The following RASAL2 variants were observed in gnomAD, a reference collection of about 807,000 sequenced individuals.
RASAL2 encodes RAS protein activator like 2, also known as ras GTPase-activating protein nGAP.
In RASAL2, 58 loss-of-function variants were observed where a neutral mutation model predicts 128.9. The ratio of observed to expected loss-of-function variants is 0.45; its 90% CI spans 0.36 to 0.56. The LOEUF is 0.56. Ranked by LOEUF, RASAL2 falls within the 20% of genes least tolerant of loss-of-function variation. The probability of loss-of-function intolerance (pLI) is 0.00; values close to 1 mark genes in which losing one functional copy is unlikely to be tolerated. For synonymous variants in RASAL2, 561 were observed against 580.8 expected (o/e 0.97, Z 0.49); for missense variants, 1,360 against 1,601.6 (o/e 0.85, Z 2.57).
intron 1 of RASAL2, among the ~76,000 whole-genome samples, chr1:178,216,500 A>T (rs1663423817): frequency 6.6e-6 from 1 of 152,250 alleles, no homozygotes. Flanking sequence ...TGGTTTAAGG[A>T]AGACTATTTT....
chr1:178,128,769 A>G (rs1659992060), intron 1 of RASAL2, among the ~76,000 whole-genome samples: 1 of 152,066 alleles, frequency 6.6e-6, no homozygotes, highest in Admixed American at 6.5e-5. Flanking sequence ...ACATTTCAAT[A>G]CATAGAATCA....
intron 3 of RASAL2, among the ~76,000 whole-genome samples, chr1:178,311,642 A>G (rs531318387): frequency 4.2e-4 from 64 of 152,256 alleles, no homozygotes; most frequent in South Asian, 2.3e-3. Flanking sequence ...GAATATGTGC[A>G]CGCTGAATGA....
At chr1:178,160,697 C>G (rs1661253852) in intron 1 of RASAL2, among the ~76,000 whole-genome samples, 1 of 152,062 alleles carries the variant, frequency 6.6e-6, no homozygotes, top group African/African-American at 2.4e-5. Flanking sequence ...AATCCTTAAT[C>G]CTATCTAATG....
intron 5 of RASAL2, among the ~76,000 whole-genome samples, chr1:178,434,382 A>C (rs1476211905): frequency 1.3e-5 from 2 of 152,114 alleles, no homozygotes; most frequent in Admixed American, 1.3e-4. Flanking sequence ...ACCAAGTACA[A>C]AGTAGGTAAG....
intron 1 of RASAL2, among the ~76,000 whole-genome samples, chr1:178,096,464 T>TTGTGTGTGTGTG (rs57531713): frequency 6.7e-6 from 1 of 148,370 alleles, no homozygotes; most frequent in Non-Finnish European, 1.5e-5. Flanking sequence ...ATTGTATATT[T>TTGTGTGTGTGTG]TGTGTGTGTG....
chr1:178,451,800 C>A, intron 10 of RASAL2, 85 bp downstream of exon 10: 1 of 1,456,722 alleles, frequency 6.9e-7, no homozygotes. Flanking sequence ...TAAAAGTCAT[C>A]ACAATGTTAA....
At chr1:178,321,994 A>G (rs1359513994) in intron 3 of RASAL2, among the ~76,000 whole-genome samples, 4 of 151,830 alleles carry the variant, frequency 2.6e-5, no homozygotes, top group African/African-American at 4.8e-5. Flanking sequence ...ATCTCAAAAA[A>G]AAAAAAAAAT....
intron 1 of RASAL2, among the ~76,000 whole-genome samples, chr1:178,162,301 A>G (rs943761675): frequency 2.5e-4 from 32 of 130,052 alleles, no homozygotes; most frequent in Middle Eastern, 3.7e-3. Context: ...ATATATATAT[A>G]TATATATAAT....
chr1:178,399,001 T>C (rs1357441227), intron 4 of RASAL2, among the ~76,000 whole-genome samples: 1 of 152,234 alleles, frequency 6.6e-6, no homozygotes, highest in Non-Finnish European at 1.5e-5. Context: ...CAATGCTGTA[T>C]TGTTGCCATC....
intron 3 of RASAL2, among the ~76,000 whole-genome samples, chr1:178,355,404 T>C (rs1470171217): frequency 6.6e-6 from 1 of 152,206 alleles, no homozygotes; most frequent in Admixed American, 6.5e-5. Context: ...CAATAAATGA[T>C]CCTGGCTCAT....
At chr1:178,137,214 T>C (rs2102321430) in intron 1 of RASAL2, among the ~76,000 whole-genome samples, 1 of 152,334 alleles carries the variant, frequency 6.6e-6, no homozygotes, top group Middle Eastern at 3.4e-3. Flanking sequence ...TTTATTCTTT[T>C]TTCAAAAGCC....
At chr1:178,290,576 GT>G (rs1348265144) in intron 2 of RASAL2, among the ~76,000 whole-genome samples, 5 of 152,162 alleles carry the variant, frequency 3.3e-5, no homozygotes. Flanking sequence ...GTTGCACAAC[GT>G]TGTGAATGTA....
intron 3 of RASAL2, among the ~76,000 whole-genome samples, chr1:178,326,335 C>G (rs1053353217): frequency 6.6e-6 from 1 of 152,104 alleles, no homozygotes; most frequent in African/African-American, 2.4e-5. Context: ...ATCTACCTCC[C>G]TCATAATTAT....
rs748941364 is a variant in RASAL2 at position 178,323,182 on chromosome 1, AGTT to A, written c.457+23069_457+23071del. On this transcript the variant is annotated intron_variant, in intron 3 of 17. Coordinates refer to ENST00000367649, the MANE Select transcript of RASAL2 (RefSeq NM_170692.4). The stretch of plus-strand genomic sequence containing the variant: ...GATGTATGTTCTTATGTTTTCAGTA[AGTT>A]GTTGGTATGTGTCATCTTTACTAGA... 2.6e-5 allele frequency among the ~76,000 whole-genome samples: 4 copies of A among 152,202 alleles called. 1 individual carries two copies. In the East Asian group the frequency reaches 7.7e-4, roughly 29 times the overall value.
At chr1:178,121,759 T>C (rs1273612034) in intron 1 of RASAL2, among the ~76,000 whole-genome samples, 3 of 152,222 alleles carry the variant, frequency 2.0e-5, no homozygotes, top group African/African-American at 7.2e-5. Context: ...GTGCTGGGAT[T>C]ACAGGCATGA....
At chr1:178,373,274 C>CTTTTTTTTTTTCTTTTTTTTTTTTTTT (rs1671815134) in intron 3 of RASAL2, among the ~76,000 whole-genome samples, 1 of 60,072 alleles carries the variant, frequency 1.7e-5, no homozygotes, top group Non-Finnish European at 3.0e-5. Flanking sequence ...TGTTTCTTTC[C>CTTTTTTTTTTTCTTTTTTTTTTTTTTT]TTTTTTTTTT....
intron 3 of RASAL2, among the ~76,000 whole-genome samples, chr1:178,349,159 G>T (rs922612594): frequency 6.7e-6 from 1 of 150,090 alleles, no homozygotes; most frequent in African/African-American, 2.5e-5. Context: ...CGTGGCTCAC[G>T]CCTGTAATTC....
chr1:178,233,085 A>G (rs947479014), intron 1 of RASAL2, among the ~76,000 whole-genome samples: 1 of 152,208 alleles, frequency 6.6e-6, no homozygotes, highest in African/African-American at 2.4e-5. Flanking sequence ...GTGCTGCTGA[A>G]GTTTTTGAGA....
intron 5 of RASAL2, among the ~76,000 whole-genome samples, chr1:178,438,903 G>C (rs1381315458): frequency 4.0e-5 from 6 of 150,360 alleles, no homozygotes; most frequent in African/African-American, 1.5e-4. Flanking sequence ...GTGTGTGTGT[G>C]TGTGTGTGTG....
Sources: allele counts gnomAD v4.1 joint callset (sites outside exome capture counted in the v4.1 genomes callset), GRCh38; gene constraint gnomAD v4.1.1; transcripts MANE v1.5; gene names NCBI Gene and HGNC (gene_info 2026-07-23, HGNC 2026-07-21).